Variants in BCL11A observed in about 807,000 individuals in gnomAD.
BCL11A encodes the protein B cell CLL/lymphoma 11A.
BCL11A carries 2 observed loss-of-function variants against 55.9 expected under a neutral mutation model. The ratio of observed to expected loss-of-function variants is 0.04; its 90% confidence interval spans 0.01 to 0.11. The LOEUF is 0.11. BCL11A is among the 10% of genes least tolerant of loss of function. The pLI, the probability that BCL11A is intolerant of heterozygous loss-of-function variation, is 1.00. For synonymous variants in BCL11A, 465 were observed against 473.4 expected, an observed-to-expected ratio of 0.98 and a Z score of 0.23; for missense variants, 817 against 1,137.1, an observed-to-expected ratio of 0.72 and a Z score of 4.05.
intron 2 of BCL11A, among the ~76,000 whole-genome samples, chr2:60,478,973 T>TG (rs2104137167): frequency 6.6e-6 from 1 of 151,880 alleles, no homozygotes; most frequent in African/African-American, 2.4e-5. Flanking sequence ...TTTTTGTTTT[T>TG]TTTTTTTCCC....
At chr2:60,502,556 A>G (rs775404618) in intron 2 of BCL11A, among the ~76,000 whole-genome samples, 1 of 152,212 alleles carries the variant, frequency 6.6e-6, no homozygotes, top group African/African-American at 2.4e-5. Context: ...TCCTTCTCTT[A>G]TCTTCCTCCA....
chr2:60,477,534 G>A (rs943448082), intron 2 of BCL11A, among the ~76,000 whole-genome samples: 5 of 151,912 alleles, frequency 3.3e-5, no homozygotes, highest in Non-Finnish European at 7.4e-5. Context: ...AAACCACCAT[G>A]GTACATGTAT....
chr2:60,530,669 G>A (rs1351016398), intron 2 of BCL11A, among the ~76,000 whole-genome samples: 1 of 146,354 alleles, frequency 6.8e-6, no homozygotes, highest in Non-Finnish European at 1.5e-5. Flanking sequence ...ACAGTCAGCA[G>A]GTATTTAAAA....
intron 3 of BCL11A, 92 bp from the exon 4 acceptor site, chr2:60,462,516 C>G: frequency 6.6e-7 from 1 of 1,506,432 alleles, no homozygotes; most frequent in African/African-American, 1.4e-5. Context: ...GCCTTCCCTG[C>G]CCCCACCCCT....
downstream of BCL11A, among the ~76,000 whole-genome samples, chr2:60,454,347 C>T (rs889977124): frequency 5.3e-5 from 8 of 152,136 alleles, no homozygotes; most frequent in Non-Finnish European, 1.5e-5. Flanking sequence ...ATGGCTCATG[C>T]CTTTTAAAAG....
intron 2 of BCL11A, chr2:60,536,857 G>C (rs1378850531): frequency 6.6e-6 from 1 of 152,284 alleles, no homozygotes; most frequent in African/African-American, 2.4e-5. Context: ...GAGGGGAGGG[G>C]GACCCAGAGC....
intron 2 of BCL11A, among the ~76,000 whole-genome samples, chr2:60,473,756 G>T (rs1454235789): frequency 2.6e-5 from 4 of 152,158 alleles, no homozygotes; most frequent in Non-Finnish European, 5.9e-5. Flanking sequence ...CCTGTGACTT[G>T]AGTTGTGTCA....
chr2:60,509,180 T>C (rs1388884403), intron 2 of BCL11A, among the ~76,000 whole-genome samples: 3 of 152,208 alleles, frequency 2.0e-5, no homozygotes, highest in Non-Finnish European at 4.4e-5. Flanking sequence ...TACCCCCCAA[T>C]AATTTACTTG....
intron 2 of BCL11A, among the ~76,000 whole-genome samples, chr2:60,480,404 A>T (rs898628075): frequency 1.3e-5 from 2 of 152,140 alleles, no homozygotes; most frequent in African/African-American, 4.8e-5. Context: ...CCCCTCAATA[A>T]ATAATTAGGA....
intron 2 of BCL11A, chr2:60,478,104 G>A (rs1250076576): frequency 6.6e-6 from 1 of 152,380 alleles, no homozygotes; most frequent in Non-Finnish European, 1.5e-5. Context: ...TAGGACTACA[G>A]GCATGCGCCA....
intron 2 of BCL11A, among the ~76,000 whole-genome samples, chr2:60,531,575 T>A (rs1228298668): frequency 1.3e-5 from 2 of 152,238 alleles, no homozygotes; most frequent in Non-Finnish European, 2.9e-5. Context: ...GGGCTTTTAT[T>A]ATTTCATGCA....
At chr2:60,451,749 G>A (rs991950720) in exon 5 of BCL11A, 1 of 230,196 alleles carries the variant, frequency 4.3e-6, no homozygotes, top group Admixed American at 5.7e-5. Flanking sequence ...TCTTTCCTAA[G>A]CTAAATTAAA....
At chr2:60,532,656 T>C (rs1409904674) in intron 2 of BCL11A, among the ~76,000 whole-genome samples, 2 of 152,356 alleles carry the variant, frequency 1.3e-5, no homozygotes, top group African/African-American at 2.4e-5. Flanking sequence ...TGTTCATTAT[T>C]ATGACTTTAC....
At chr2:60,553,672 G>A (rs1670516328), upstream of BCL11A, 2 of 243,946 alleles carry the variant, frequency 8.2e-6, no homozygotes, top group Non-Finnish European at 1.5e-5. Flanking sequence ...ACATGGGCAG[G>A]GCGAGCAGGA....
chr2:60,461,834 G>A lies in BCL11A; in HGVS notation c.1078C>T (p.Leu360Phe), dbSNP rs746326118. Residue 360 changes from leucine (L) to phenylalanine (F), a missense_variant, in exon 4 of 4, where the codon CTC becomes TTC. Leu to Phe is a conservative substitution (Grantham distance 22). Around this residue, in one of 4 missense-constraint regions of BCL11A, gnomAD observed 363 missense variants for 486.6 expected, o/e 0.75. Transcript: ENST00000642384. ...SKPPFLATPPLPPLQSAPPPS... is the reference protein window; with the variant it reads ...SKPPFLATPPFPPLQSAPPPS... ...GGAGGGGCGGATTGCAGAGGAGGGAGGGGGGGCGTCGCCAGGAAGGGCGGC... is the reference window on the plus strand; with the variant it reads ...GGAGGGGCGGATTGCAGAGGAGGGAAGGGGGGCGTCGCCAGGAAGGGCGGC... 4.3e-6 allele frequency: 7 copies of A among 1,611,832 alleles called. No homozygotes were observed. Among genetic ancestry groups the A allele is most frequent in the East Asian group, 2.2e-5 (1 of 44,864 alleles).
At chr2:60,492,368 A>AAAAC (rs10646649) in intron 2 of BCL11A, among the ~76,000 whole-genome samples, 37,648 of 151,752 alleles carry the variant, frequency 0.25, 4,937 homozygotes, top group Middle Eastern at 0.3. Context: ...CCCTGTCTCA[A>AAAAC]AAACAAACAA....
intron 2 of BCL11A, among the ~76,000 whole-genome samples, chr2:60,524,295 T>A (rs1669115427): frequency 6.6e-6 from 1 of 152,206 alleles, no homozygotes; most frequent in Non-Finnish European, 1.5e-5. Flanking sequence ...ATCCTAAACT[T>A]CATGTCTGAA....
At chr2:60,527,871 C>T (rs772853157) in intron 2 of BCL11A, 4 of 152,286 alleles carry the variant, frequency 2.6e-5, no homozygotes, top group Non-Finnish European at 5.9e-5. Context: ...AATCCATCTG[C>T]AACGAACCTC....
intron 3 of BCL11A, among the ~76,000 whole-genome samples, chr2:60,467,177 G>GTGGTGGTGGTGATGGTGGTGA (rs1676710109): frequency 7.3e-6 from 1 of 137,550 alleles, no homozygotes; most frequent in Non-Finnish European, 1.6e-5. Flanking sequence ...GATGGTGGTG[G>GTGGTGGTGGTGATGGTGGTGA]TGGTGGTGGT....
Sources: gnomAD v4.1 joint callset for allele counts (sites outside exome capture counted in the v4.1 genomes callset) on GRCh38, gnomAD v4.1.1 for gene constraint, gnomAD v4.1.1 regional missense constraint, MANE v1.5 for transcripts, NCBI Gene and HGNC (gene_info 2026-07-23, HGNC 2026-07-21) for gene names.